The following SOX6 variants were observed in gnomAD, a reference collection of about 807,000 sequenced individuals.
SOX6 encodes transcription factor SOX-6.
SOX6 carries 11 observed loss-of-function variants against 97.8 expected under a neutral mutation model. The ratio of observed to expected loss-of-function variants is 0.11; its 90% CI spans 0.07 to 0.19. The LOEUF (loss-of-function observed/expected upper bound fraction) is 0.19. Ranked by LOEUF, SOX6 falls within the 10% of genes least tolerant of loss-of-function variation. The pLI, the probability that SOX6 is intolerant of heterozygous loss-of-function variation, is 1.00. For synonymous variants in SOX6, 360 were observed against 371.4 expected, an observed-to-expected ratio of 0.97 and a Z score of 0.35; for missense variants, 810 against 1,039.5, an observed-to-expected ratio of 0.78 and a Z score of 3.04.
rs866782857 is a variant in SOX6 at position 15,969,687 on chromosome 11, A to G, written c.*3122T>C. On this transcript the variant is annotated 3_prime_UTR_variant, in exon 16 of 16. Transcript: ENST00000683767. The stretch of plus-strand genomic sequence containing the variant: ...CTAAGTATTCATGAACCAAAAATAA[A>G]TTCTATTTCTATGTTATATTTACAC... The G allele has an allele frequency of 2.6e-5, 4 of 152,360 alleles. No individual in the cohort carries two copies. Among genetic ancestry groups the G allele is most frequent in the Middle Eastern group, 3.4e-3 (1 of 294 alleles). The allele number at this position is 152,360 out of a possible 1,614,324, so 9.4% of individuals were successfully genotyped here.
intron 1 of SOX6, among the ~76,000 whole-genome samples, chr11:16,414,429 A>G (rs2133059111): frequency 6.6e-6 from 1 of 152,342 alleles, no homozygotes; most frequent in South Asian, 2.1e-4. Flanking sequence ...TAAATTATGA[A>G]AAGAATTGGG....
intron 4 of SOX6, among the ~76,000 whole-genome samples, chr11:16,611,566 T>C (rs1198562711): frequency 6.6e-6 from 1 of 151,196 alleles, no homozygotes; most frequent in Non-Finnish European, 1.5e-5. Context: ...GGATAACAAA[T>C]AAACCAACAC....
At chr11:16,522,508 A>G (rs570671167) in intron 4 of SOX6, among the ~76,000 whole-genome samples, 1 of 152,316 alleles carries the variant, frequency 6.6e-6, no homozygotes, top group East Asian at 1.9e-4. Flanking sequence ...AACAACCAGT[A>G]CCAGCCACTG....
intron 4 of SOX6, among the ~76,000 whole-genome samples, chr11:16,562,896 A>G (rs564473783): frequency 6.6e-6 from 1 of 152,220 alleles, no homozygotes; most frequent in Non-Finnish European, 1.5e-5. Context: ...CTGAACTTCC[A>G]TATCCATCTA....
At position 16,557,743 on chromosome 11, in the gene SOX6, A is replaced by G. The variant is rs983211940; in HGVS notation, n.609+54338T>C. ...TATTGTAAATGATAATATCAGTAACATTCTTATCACCATTATTAGCTCCTA... is the reference window on the plus strand; with the variant it reads ...TATTGTAAATGATAATATCAGTAACGTTCTTATCACCATTATTAGCTCCTA... On this transcript the variant is annotated intron_variant and non_coding_transcript_variant, in intron 4 of 5. Transcript: ENST00000524520. Among the ~76,000 whole-genome samples the G allele has an allele frequency of 8.3e-4, 126 of 152,028 alleles. 4 individuals are homozygous for G. Among genetic ancestry groups the G allele is most frequent in the Non-Finnish European group, 3.4e-4 (23 of 67,822 alleles).
intron 3 of SOX6, among the ~76,000 whole-genome samples, chr11:16,285,162 A>G (rs983420004): frequency 6.6e-6 from 1 of 152,212 alleles, no homozygotes; most frequent in African/African-American, 2.4e-5. Flanking sequence ...ACATTAAAAT[A>G]TCAAATAACT....
rs1853325848 is a variant in SOX6, at chr11:15,971,919, G to A, written c.*890C>T. The A allele has an allele frequency of 1.3e-5, 2 of 152,622 alleles. No individual in the cohort carries two copies. Among genetic ancestry groups the A allele is most frequent in the South Asian group, 2.1e-4 (1 of 4,824 alleles). 9.5% of individuals were successfully genotyped at this position (152,622 alleles called of 1,614,324 possible). The stretch of plus-strand genomic sequence containing the variant: ...TGAATGTCAGGGTTAAAGGCAAAGG[G>A]ATAATGGATGTAGTGAGAGGTGGTC... On this transcript the variant is annotated 3_prime_UTR_variant, in exon 16 of 16. Transcript: ENST00000683767.
At chr11:16,676,968 G>A (rs1046922453) in intron 3 of SOX6, among the ~76,000 whole-genome samples, 2 of 151,604 alleles carry the variant, frequency 1.3e-5, no homozygotes, top group African/African-American at 2.4e-5. Context: ...TTTTCAAAGC[G>A]TATTCCCCAA....
intron 3 of SOX6, among the ~76,000 whole-genome samples, chr11:16,650,151 T>C (rs1198427396): frequency 6.6e-6 from 1 of 152,050 alleles, no homozygotes; most frequent in East Asian, 1.9e-4. Flanking sequence ...CTACTAAACC[T>C]AAGAAATGAG....
chr11:16,544,709 A>G (rs1246836707), intron 4 of SOX6, among the ~76,000 whole-genome samples: 1 of 152,214 alleles, frequency 6.6e-6, no homozygotes, highest in African/African-American at 2.4e-5. Context: ...ATATTACCAC[A>G]ATAATTTTTA....
intron 3 of SOX6, among the ~76,000 whole-genome samples, chr11:16,707,385 C>T (rs1027844145): frequency 2.0e-5 from 3 of 150,140 alleles, no homozygotes; most frequent in African/African-American, 7.3e-5. Context: ...TAGGAACAGC[C>T]AAAGATGACA....
intron 4 of SOX6, among the ~76,000 whole-genome samples, chr11:16,565,326 C>T (rs1041200630): frequency 1.3e-5 from 2 of 152,106 alleles, no homozygotes; most frequent in Admixed American, 1.3e-4. Context: ...TTAAGTACCC[C>T]CAAAAAGAAA....
chr11:16,080,116 C>CA (rs58272493), intron 9 of SOX6, among the ~76,000 whole-genome samples: 131 of 144,038 alleles, frequency 9.1e-4, no homozygotes, highest in Middle Eastern at 3.6e-3. Flanking sequence ...CTCATCACAC[C>CA]AAAAAAAAAA....
intron 1 of SOX6, among the ~76,000 whole-genome samples, chr11:16,414,860 G>A (rs1858895063): frequency 6.6e-6 from 1 of 152,020 alleles, no homozygotes; most frequent in African/African-American, 2.4e-5. Flanking sequence ...AATATCTACA[G>A]AATTTTGGAT....
At chr11:16,409,289 CAAA>C (rs60016649) in intron 1 of SOX6, among the ~76,000 whole-genome samples, 1 of 143,236 alleles carries the variant, frequency 7.0e-6, no homozygotes, top group African/African-American at 2.6e-5. Context: ...AACCCCCCTC[CAAA>C]AAAAAAAAAA....
intron 4 of SOX6, among the ~76,000 whole-genome samples, chr11:16,494,544 A>G (rs1590222672): frequency 6.6e-6 from 1 of 152,094 alleles, no homozygotes; most frequent in African/African-American, 2.4e-5. Context: ...AGAGGCTTCA[A>G]GATTGCTGAC....
chr11:16,195,658 G>C (rs1267014602), intron 4 of SOX6, among the ~76,000 whole-genome samples: 1 of 152,176 alleles, frequency 6.6e-6, no homozygotes, highest in African/African-American at 2.4e-5. Context: ...TGGCAGACCA[G>C]ATTCTCTGTA....
chr11:16,459,619 T>C (rs1477588808), intron 1 of SOX6, among the ~76,000 whole-genome samples: 2 of 152,006 alleles, frequency 1.3e-5, no homozygotes, highest in African/African-American at 4.8e-5. Flanking sequence ...AGCAAAGAAA[T>C]AGAATATATT....
intron 1 of SOX6, among the ~76,000 whole-genome samples, chr11:16,738,075 T>A (rs1848407853): frequency 6.6e-6 from 1 of 151,994 alleles, no homozygotes; most frequent in Non-Finnish European, 1.5e-5. Context: ...ATCCCCGTTT[T>A]CAACAACCGC....
Sources: gnomAD v4.1 joint callset for allele counts (sites outside exome capture counted in the v4.1 genomes callset) on GRCh38, gnomAD v4.1.1 for gene constraint, MANE v1.5 for transcripts, NCBI Gene and HGNC (gene_info 2026-07-23, HGNC 2026-07-21) for gene names.